Variants in CSNK2A2IP observed in about 807,000 individuals in gnomAD.
CSNK2A2IP encodes casein kinase II subunit alpha'-interacting protein.
At chr3:88,427,146 C>T in the CSNK2A2IP span, among the ~76,000 whole-genome samples, 1 of 152,124 alleles carries the variant, frequency 6.6e-6, no homozygotes, top group Non-Finnish European at 1.5e-5. Flanking sequence ...GAAGTCCAGG[C>T]TGAGGTGGTC....
At chr3:88,371,098 G>A in the CSNK2A2IP span, among the ~76,000 whole-genome samples, 1 of 151,706 alleles carries the variant, frequency 6.6e-6, no homozygotes, top group South Asian at 2.1e-4. Context: ...ATGGCAGCCT[G>A]AGCAAATGGT....
the CSNK2A2IP span, among the ~76,000 whole-genome samples, chr3:88,393,853 A>G: frequency 6.6e-6 from 1 of 152,202 alleles, no homozygotes; most frequent in Non-Finnish European, 1.5e-5. Context: ...TTAGTGAATA[A>G]GAAAAAATGA....
the CSNK2A2IP span, among the ~76,000 whole-genome samples, chr3:88,445,538 G>T: frequency 1.3e-5 from 2 of 152,062 alleles, no homozygotes; most frequent in Non-Finnish European, 2.9e-5. Context: ...TTGATTTAAT[G>T]GCTTTGAAAA....
chr3:88,380,215 A>G, the CSNK2A2IP span, among the ~76,000 whole-genome samples: 1 of 152,080 alleles, frequency 6.6e-6, no homozygotes, highest in African/African-American at 2.4e-5. Context: ...AAAAGCAAAA[A>G]TAATTTTTAC....
the CSNK2A2IP span, among the ~76,000 whole-genome samples, chr3:88,443,364 A>C: frequency 6.6e-6 from 1 of 152,182 alleles, no homozygotes; most frequent in Non-Finnish European, 1.5e-5. Flanking sequence ...CTTGATATGA[A>C]AAAGAAGAAA....
chr3:88,351,458 C>A, the CSNK2A2IP span, among the ~76,000 whole-genome samples: 1 of 151,864 alleles, frequency 6.6e-6, no homozygotes, highest in African/African-American at 2.4e-5. Context: ...AAAATTCAGA[C>A]AGAGGCAAAA....
At chr3:88,466,829 G>C in the CSNK2A2IP span, 40 of 966,190 alleles carry the variant, frequency 4.1e-5, 1 homozygote, top group Middle Eastern at 3.6e-4. Flanking sequence ...AACCATCTTA[G>C]AGGAAAGAAA....
chr3:88,404,143 T>C, the CSNK2A2IP span, among the ~76,000 whole-genome samples: 1 of 151,642 alleles, frequency 6.6e-6, no homozygotes, highest in Admixed American at 6.6e-5. Context: ...GTTTAGAATG[T>C]GCACACCATG....
At chr3:88,377,333 T>G in the CSNK2A2IP span, among the ~76,000 whole-genome samples, 1 of 151,876 alleles carries the variant, frequency 6.6e-6, no homozygotes, top group Non-Finnish European at 1.5e-5. Context: ...TTCTTTTATC[T>G]CTATCTTTTC....
chr3:88,351,542 A>C, the CSNK2A2IP span, among the ~76,000 whole-genome samples: 1 of 152,176 alleles, frequency 6.6e-6, no homozygotes, highest in Non-Finnish European at 1.5e-5. Flanking sequence ...GTTGGTGAAC[A>C]TCTTACCAAG....
chr3:88,426,053 A>C, the CSNK2A2IP span, among the ~76,000 whole-genome samples: 1 of 152,202 alleles, frequency 6.6e-6, no homozygotes, highest in Non-Finnish European at 1.5e-5. Context: ...AAGCATTCTA[A>C]ATATTTTCAC....
the CSNK2A2IP span, among the ~76,000 whole-genome samples, chr3:88,410,067 C>T: frequency 6.6e-6 from 1 of 151,992 alleles, no homozygotes; most frequent in Admixed American, 6.6e-5. Context: ...CATCAGAAAA[C>T]TCTGAAGTCT....
the CSNK2A2IP span, among the ~76,000 whole-genome samples, chr3:88,365,386 G>A: frequency 6.6e-6 from 1 of 152,154 alleles, no homozygotes; most frequent in African/African-American, 2.4e-5. Context: ...TGAAATGGAG[G>A]TGGAGGGTAA....
At chr3:88,453,859 A>G in the CSNK2A2IP span, among the ~76,000 whole-genome samples, 1 of 152,070 alleles carries the variant, frequency 6.6e-6, no homozygotes, top group African/African-American at 2.4e-5. Context: ...TGGATAGTAG[A>G]TTGATTACAG....
the CSNK2A2IP span, chr3:88,382,897 C>T: frequency 8.5e-5 from 13 of 152,150 alleles, no homozygotes; most frequent in African/African-American, 3.1e-4. Flanking sequence ...TATTATTTAG[C>T]TCTGAGCTTC....
At chr3:88,453,776 A>T in the CSNK2A2IP span, among the ~76,000 whole-genome samples, 5 of 152,086 alleles carry the variant, frequency 3.3e-5, no homozygotes, top group Non-Finnish European at 7.4e-5. Flanking sequence ...TGCAGATGGG[A>T]TTTCTGAAAT....
the CSNK2A2IP span, among the ~76,000 whole-genome samples, chr3:88,433,267 C>CT: frequency 9.4e-5 from 12 of 127,458 alleles, no homozygotes; most frequent in Non-Finnish European, 1.5e-4. Context: ...TGCCTTTGTT[C>CT]TGTTTTTTCT....
At chr3:88,367,184 C>T in the CSNK2A2IP span, among the ~76,000 whole-genome samples, 4 of 151,980 alleles carry the variant, frequency 2.6e-5, no homozygotes, top group Non-Finnish European at 4.4e-5. Context: ...GAACCTGCTC[C>T]CTCATTGTTA....
the CSNK2A2IP span, among the ~76,000 whole-genome samples, chr3:88,407,372 G>A: frequency 6.7e-6 from 1 of 149,560 alleles, no homozygotes; most frequent in South Asian, 2.1e-4. Context: ...TATGTTAAAT[G>A]TGTGAATATG....
Sources: allele counts gnomAD v4.1 joint callset (sites outside exome capture counted in the v4.1 genomes callset), GRCh38; gene constraint gnomAD v4.1.1; transcripts MANE v1.5; gene names NCBI Gene and HGNC (gene_info 2026-07-23, HGNC 2026-07-21).